BNC2: variants seen among roughly 807,000 people sequenced by gnomAD.
BNC2 encodes the protein basonuclin zinc finger protein 2.
In BNC2, 20 loss-of-function variants were observed where a neutral mutation model predicts 76.3. The ratio of observed to expected loss-of-function variants is 0.26; its 90% CI spans 0.18 to 0.38. The LOEUF (loss-of-function observed/expected upper bound fraction) is 0.38. Among genes scored for constraint, BNC2 ranks in the 10% least tolerant of loss-of-function variants. The pLI is 1.00. For missense variants in BNC2, 1,382 were observed against 1,399.8 expected (o/e 0.99, Z 0.20); for synonymous variants, 582 against 514.8 (o/e 1.13, Z -1.77).
At position 16,643,282 on chromosome 9, in the gene BNC2, G is replaced by T. The variant is rs554484668; in HGVS notation, c.331-60197C>A. Among the ~76,000 whole-genome samples the T allele has an allele frequency of 2.7e-5, 4 of 148,384 alleles. No homozygotes were observed. The East Asian group carries it at 8.0e-4, about 30-fold the overall frequency. The stretch of plus-strand genomic sequence containing the variant: ...GATCACGACAATGCACTCCAGCCTG[G>T]GTGAAAGAGCAAGACTCTGTCTCAA... On this transcript the variant is annotated intron_variant, in intron 3 of 6. Transcript: ENST00000380672.
intron 3 of BNC2, chr9:16,665,000 G>A (rs574788512): frequency 6.6e-6 from 3 of 454,728 alleles, no homozygotes; most frequent in African/African-American, 6.0e-5. Context: ...GCAGGGAAGT[G>A]CCTTAGATAT....
intron 1 of BNC2, among the ~76,000 whole-genome samples, chr9:16,859,830 G>A (rs2136200749): frequency 6.6e-6 from 1 of 152,318 alleles, no homozygotes; most frequent in East Asian, 1.9e-4. Flanking sequence ...CTTAAAAATG[G>A]TTAACATGGG....
intron 3 of BNC2, among the ~76,000 whole-genome samples, chr9:16,674,722 G>A (rs989779717): frequency 4.6e-5 from 7 of 152,258 alleles, no homozygotes; most frequent in African/African-American, 1.4e-4. Flanking sequence ...CTTATAAGAT[G>A]TAAACATAGT....
chr9:16,638,343 C>A (rs1821388488), intron 3 of BNC2, among the ~76,000 whole-genome samples: 1 of 152,140 alleles, frequency 6.6e-6, no homozygotes, highest in Admixed American at 6.5e-5. Context: ...AAATGAAATT[C>A]ATCAATAGTA....
intron 1 of BNC2, among the ~76,000 whole-genome samples, chr9:16,748,535 C>T (rs1264248082): frequency 6.6e-6 from 1 of 150,486 alleles, no homozygotes; most frequent in Non-Finnish European, 1.5e-5. Flanking sequence ...AAGAAGGAAT[C>T]CAGTAAACAG....
intron 3 of BNC2, among the ~76,000 whole-genome samples, chr9:16,668,468 T>C (rs986930233): frequency 6.6e-6 from 1 of 152,186 alleles, no homozygotes; most frequent in African/African-American, 2.4e-5. Flanking sequence ...CATACATGAG[T>C]GAATATTCTG....
chr9:16,577,120 T>C (rs1819508333), intron 4 of BNC2, among the ~76,000 whole-genome samples: 1 of 152,196 alleles, frequency 6.6e-6, no homozygotes, highest in Non-Finnish European at 1.5e-5. Flanking sequence ...GGATTTTCTT[T>C]TAGGTATGGG....
chr9:16,639,495 T>A (rs1821424911), intron 3 of BNC2, among the ~76,000 whole-genome samples: 1 of 152,204 alleles, frequency 6.6e-6, no homozygotes, highest in Non-Finnish European at 1.5e-5. Context: ...CACTATATTC[T>A]TTTCTATTAT....
chr9:16,685,554 C>G, intron 3 of BNC2: 1 of 1,304,148 alleles, frequency 7.7e-7, no homozygotes, highest in Non-Finnish European at 1.0e-6. Flanking sequence ...CCTGGACTTC[C>G]AGCCTGTGGT....
intron 3 of BNC2, among the ~76,000 whole-genome samples, chr9:16,597,265 G>C (rs1820117864): frequency 6.6e-6 from 1 of 152,078 alleles, no homozygotes; most frequent in Non-Finnish European, 1.5e-5. Flanking sequence ...GCTCTCTGAA[G>C]GATTTTCTTT....
chr9:16,527,679 G>A (rs1009197693), intron 5 of BNC2, among the ~76,000 whole-genome samples: 1 of 152,210 alleles, frequency 6.6e-6, no homozygotes, highest in Middle Eastern at 3.2e-3. Context: ...CACTACCTGG[G>A]AGACAGGTTG....
chr9:16,862,915 ATTT>A (rs35319962), intron 1 of BNC2, among the ~76,000 whole-genome samples: 15,826 of 142,578 alleles, frequency 0.11, 1,008 homozygotes, highest in Admixed American at 0.21. Flanking sequence ...ATATAGATAG[ATTT>A]TTTTTTTTTT....
intron 5 of BNC2, among the ~76,000 whole-genome samples, chr9:16,535,640 T>C (rs1255172676): frequency 1.3e-5 from 2 of 152,102 alleles, no homozygotes; most frequent in South Asian, 2.1e-4. Flanking sequence ...TAGTTCCACA[T>C]AGATACCACT....
At chr9:16,834,992 C>T (rs1335189253) in intron 1 of BNC2, among the ~76,000 whole-genome samples, 1 of 152,022 alleles carries the variant, frequency 6.6e-6, no homozygotes, top group Admixed American at 6.5e-5. Flanking sequence ...CATGGATATC[C>T]ACGGGTACTT....
chr9:16,578,992 G>GA (rs976785533), intron 4 of BNC2, among the ~76,000 whole-genome samples: 30 of 151,050 alleles, frequency 2.0e-4, no homozygotes, highest in African/African-American at 6.6e-4. Flanking sequence ...TTTACCAAGA[G>GA]AAAAAAAAAT....
chr9:16,600,122 T>C (rs1215140108), intron 3 of BNC2, among the ~76,000 whole-genome samples: 1 of 152,232 alleles, frequency 6.6e-6, no homozygotes, highest in South Asian at 2.1e-4. Context: ...AATACTGCTA[T>C]TTATGACACT....
chr9:16,622,297 A>G (rs778791727), intron 3 of BNC2, among the ~76,000 whole-genome samples: 4 of 152,206 alleles, frequency 2.6e-5, no homozygotes, highest in Non-Finnish European at 4.4e-5. Flanking sequence ...TAGTCAATTA[A>G]TTTAAGAACC....
intron 5 of BNC2, among the ~76,000 whole-genome samples, chr9:16,535,638 C>T (rs187622554): frequency 1.3e-5 from 2 of 152,218 alleles, no homozygotes; most frequent in African/African-American, 4.8e-5. Context: ...CTTAGTTCCA[C>T]ATAGATACCA....
chr9:16,867,401 G>C (rs888462420), intron 1 of BNC2: 3 of 152,016 alleles, frequency 2.0e-5, no homozygotes, highest in Admixed American at 6.6e-5. Context: ...AGGTTGTTTA[G>C]AAGACTATAA....
Sources: gnomAD v4.1 joint callset for allele counts (sites outside exome capture counted in the v4.1 genomes callset) on GRCh38, gnomAD v4.1.1 for gene constraint, MANE v1.5 for transcripts, NCBI Gene and HGNC (gene_info 2026-07-23, HGNC 2026-07-21) for gene names.